MTSS1: variants seen among roughly 807,000 people sequenced by gnomAD.
MTSS1 encodes the protein MTSS I-BAR domain containing 1.
Under a neutral mutation model 79.0 loss-of-function variants are expected in MTSS1, and 18 were observed. The ratio of observed to expected loss-of-function variants is 0.23; its 90% confidence interval spans 0.16 to 0.34. The LOEUF (loss-of-function observed/expected upper bound fraction) is 0.34, where lower values mean the gene tolerates loss of function less well. MTSS1 is among the 10% of genes least tolerant of loss of function. The pLI, the probability that MTSS1 is intolerant of heterozygous loss-of-function variation, is 1.00. For missense variants in MTSS1, 815 were observed against 986.2 expected (o/e 0.83, Z 2.33); for synonymous variants, 341 against 368.6 (o/e 0.93, Z 0.86).
chr8:124,700,851 C>A (rs1411763580), intron 2 of MTSS1, among the ~76,000 whole-genome samples: 1 of 152,150 alleles, frequency 6.6e-6, no homozygotes, highest in Non-Finnish European at 1.5e-5. Context: ...TCTTATATAA[C>A]TCAGCCTTTA....
At position 124,582,870 on chromosome 8, in the gene MTSS1, C is replaced by T. The variant is rs1274301091; in HGVS notation, c.460+2217G>A. Reference sequence around the variant, plus strand: ...GTGTTTTCTTCAGTCCATTCTCAGCCATACATATGCCTCCTAGGAGAGCTC... The same window carrying T: ...GTGTTTTCTTCAGTCCATTCTCAGCTATACATATGCCTCCTAGGAGAGCTC... On this transcript the variant is annotated intron_variant, in intron 6 of 13. Transcript: ENST00000518547. The surrounding 1 kb of genome is among the most constrained non-coding windows in gnomAD (Gnocchi z 4.8). Among the ~76,000 whole-genome samples, 1 of 152,174 alleles carries T rather than the reference C, an allele frequency of 6.6e-6. No homozygotes were observed. The highest frequency in any genetic ancestry group is 1.9e-4 in the East Asian group (1 of 5,206).
chr8:124,581,287 CAAA>C (rs10616707), intron 6 of MTSS1, among the ~76,000 whole-genome samples: 18 of 100,878 alleles, frequency 1.8e-4, no homozygotes, highest in East Asian at 2.8e-4. Flanking sequence ...GATGCTGACT[CAAA>C]AAAAAAAAAA....
intron 3 of MTSS1, among the ~76,000 whole-genome samples, chr8:124,675,103 C>T (rs562083997): frequency 1.3e-5 from 2 of 152,376 alleles, no homozygotes; most frequent in East Asian, 1.9e-4. Flanking sequence ...CTGAGCTAGC[C>T]TCCGCTTCAC....
At chr8:124,556,015 C>A in intron 12 of MTSS1, 111 bp from the exon 13 acceptor site, 1 of 1,547,744 alleles carries the variant, frequency 6.5e-7, no homozygotes, top group Admixed American at 1.9e-5. Flanking sequence ...GGGCTATTGA[C>A]TTGCTTGGGT....
At chr8:124,652,319 G>A (rs1354923696) in intron 3 of MTSS1, among the ~76,000 whole-genome samples, 1 of 152,018 alleles carries the variant, frequency 6.6e-6, no homozygotes, top group Non-Finnish European at 1.5e-5. Context: ...GACTACAGGT[G>A]CATGCCACCA....
intron 6 of MTSS1, among the ~76,000 whole-genome samples, chr8:124,576,045 A>C (rs1586930785): frequency 2.0e-5 from 3 of 152,124 alleles, no homozygotes; most frequent in African/African-American, 7.2e-5. Context: ...CCTAGACAAC[A>C]ACCACCACTT....
chr8:124,599,618 C>T (rs572439469), intron 3 of MTSS1, among the ~76,000 whole-genome samples: 8 of 150,606 alleles, frequency 5.3e-5, no homozygotes, highest in African/African-American at 1.2e-4. Flanking sequence ...AGTGTAGGCT[C>T]GCCTGTGACT....
intron 3 of MTSS1, among the ~76,000 whole-genome samples, chr8:124,653,131 A>T (rs1290672478): frequency 3.3e-5 from 5 of 152,218 alleles, no homozygotes; most frequent in Admixed American, 1.3e-4. Context: ...AGCTAGGCAG[A>T]TGGGAAAGAA....
chr8:124,695,433 T>C (rs1254360329), intron 3 of MTSS1, among the ~76,000 whole-genome samples: 1 of 152,030 alleles, frequency 6.6e-6, no homozygotes, highest in African/African-American at 2.4e-5. Flanking sequence ...TCTGTTAGAG[T>C]CACGGCCTAC....
At chr8:124,609,216 CT>C (rs970835243) in intron 3 of MTSS1, among the ~76,000 whole-genome samples, 1 of 152,186 alleles carries the variant, frequency 6.6e-6, no homozygotes, top group African/African-American at 2.4e-5. Context: ...ACAGGGTCTG[CT>C]GCTGGGACAG....
At chr8:124,587,943 C>T (rs943548865) in intron 5 of MTSS1, among the ~76,000 whole-genome samples, 1 of 152,148 alleles carries the variant, frequency 6.6e-6, no homozygotes, top group Non-Finnish European at 1.5e-5. Flanking sequence ...GACTGATTTC[C>T]AATAACAATG....
intron 3 of MTSS1, among the ~76,000 whole-genome samples, chr8:124,639,461 G>C (rs996498669): frequency 2.0e-5 from 3 of 152,004 alleles, no homozygotes; most frequent in Non-Finnish European, 4.4e-5. Flanking sequence ...TCTTTCTGAT[G>C]GTATTACCTT....
intron 7 of MTSS1, among the ~76,000 whole-genome samples, chr8:124,567,393 T>G (rs745849049): frequency 1.3e-4 from 20 of 152,228 alleles, no homozygotes; most frequent in Admixed American, 3.3e-4. Context: ...GAGTGACCTG[T>G]GCACAGGGGA....
intron 3 of MTSS1, among the ~76,000 whole-genome samples, chr8:124,691,874 T>C (rs1200994524): frequency 6.6e-6 from 1 of 152,200 alleles, no homozygotes; most frequent in Non-Finnish European, 1.5e-5. Context: ...TTTATGGTAA[T>C]ATTCAAAGAA....
intron 3 of MTSS1, chr8:124,673,242 G>A (rs1199580226): frequency 1.3e-5 from 2 of 152,154 alleles, no homozygotes; most frequent in Non-Finnish European, 2.9e-5. Flanking sequence ...CCTTAGCTGG[G>A]AATGGTAGCA....
rs185225610 is a variant in MTSS1, at chr8:124,597,345, T to A, written c.209-6110A>T. ...CTGCTTCTACGGATACCAAGGGCTC[T>A]CTCTCACTACGACAAGCTGGAGACA... On this transcript the variant is annotated intron_variant, in intron 3 of 13. Transcript: ENST00000518547. This position sits in a 1 kb window ranked among gnomAD's most constrained non-coding sequence, Gnocchi z 4.6. Among the ~76,000 whole-genome samples the A allele has an allele frequency of 6.6e-5, 10 of 152,302 alleles. No individual in the cohort carries two copies. In the East Asian group the frequency reaches 1.9e-3, roughly 29 times the overall value.
intron 3 of MTSS1, among the ~76,000 whole-genome samples, chr8:124,658,851 C>T (rs1457819646): frequency 6.6e-6 from 1 of 152,194 alleles, no homozygotes; most frequent in Non-Finnish European, 1.5e-5. Flanking sequence ...TGGGCAGGGA[C>T]ACAGATCCAG....
At chr8:124,596,661 C>A (rs751430460) in intron 3 of MTSS1, among the ~76,000 whole-genome samples, 10 of 152,200 alleles carry the variant, frequency 6.6e-5, no homozygotes, top group Non-Finnish European at 1.5e-4. Context: ...TTAAAGCAAC[C>A]GTAGTTCTGG....
intron 3 of MTSS1, among the ~76,000 whole-genome samples, chr8:124,672,642 C>CAAATTTAA (rs200331304): frequency 0.017 from 2,539 of 150,702 alleles, 74 homozygotes; most frequent in African/African-American, 0.058. Flanking sequence ...CTCATCTCTA[C>CAAATTTAA]AAAATAATTT....
Sources: gnomAD v4.1 joint callset for allele counts (sites outside exome capture counted in the v4.1 genomes callset) on GRCh38, gnomAD v4.1.1 for gene constraint, Gnocchi (gnomAD v3.1) non-coding constraint, MANE v1.5 for transcripts, NCBI Gene and HGNC (gene_info 2026-07-23, HGNC 2026-07-21) for gene names.